Variants in MCTP2 observed in about 807,000 individuals in gnomAD.
MCTP2 encodes multiple C2 and transmembrane domain containing 2.
In MCTP2, 132 loss-of-function variants were observed where a neutral mutation model predicts 111.6. That is an observed-to-expected ratio of 1.18 (90% CI 1.03 to 1.37). MCTP2 has a LOEUF of 1.37. Among genes scored for constraint, MCTP2 ranks in the 40% most tolerant of loss-of-function variants. MCTP2 has a pLI of 0.00. For missense variants in MCTP2, 1,183 were observed against 1,067.9 expected (o/e 1.11, Z -1.50); for synonymous variants, 395 against 387.7 (o/e 1.02, Z -0.22).
At chr15:94,256,177 C>T (rs942942145) in intron 1 of MCTP2, among the ~76,000 whole-genome samples, 2 of 151,972 alleles carry the variant, frequency 1.3e-5, no homozygotes, top group South Asian at 2.1e-4. Context: ...AAAATGCAGC[C>T]GAAACTTTGT....
intron 8 of MCTP2, among the ~76,000 whole-genome samples, chr15:94,348,572 T>C (rs1021356838): frequency 1.4e-5 from 2 of 141,380 alleles, no homozygotes; most frequent in African/African-American, 5.3e-5. Flanking sequence ...TTTGTAGTCA[T>C]ATATCTTTGG....
intron 2 of MCTP2, among the ~76,000 whole-genome samples, chr15:94,304,983 C>A (rs1441710228): frequency 6.6e-6 from 1 of 152,070 alleles, no homozygotes; most frequent in African/African-American, 2.4e-5. Context: ...TCATGGTGGC[C>A]TGGCATCCAT....
At chr15:94,355,914 C>G in intron 8 of MCTP2, 1 of 1,133,054 alleles carries the variant, frequency 8.8e-7, no homozygotes, top group Non-Finnish European at 1.1e-6. Context: ...CAAAGTGTTG[C>G]ATATACTCAT....
chr15:94,424,215 T>A (rs1164117982), intron 17 of MCTP2, among the ~76,000 whole-genome samples: 1 of 152,236 alleles, frequency 6.6e-6, no homozygotes, highest in Non-Finnish European at 1.5e-5. Context: ...TTCATTTACA[T>A]CCTGTATAGC....
intron 9 of MCTP2, 113 bp downstream of exon 9, chr15:94,356,414 C>A: frequency 1.0e-6 from 1 of 981,184 alleles, no homozygotes. Flanking sequence ...TTCAGCCCGC[C>A]TAACTATATT....
chr15:94,350,734 AG>A (rs1212458353), intron 8 of MCTP2, among the ~76,000 whole-genome samples: 1 of 152,256 alleles, frequency 6.6e-6, no homozygotes, highest in East Asian at 1.9e-4. Context: ...GAAGGGTAGC[AG>A]GATTATACAA....
chr15:94,471,919 C>G (rs1295294454), intron 21 of MCTP2, among the ~76,000 whole-genome samples: 1 of 152,120 alleles, frequency 6.6e-6, no homozygotes, highest in African/African-American at 2.4e-5. Context: ...CTGACTCTAA[C>G]CAGAATGTGA....
Position 94,464,257 on chromosome 15 carries a change from TTA to T in MCTP2, c.2360+6032_2360+6033del, listed in dbSNP as rs1555481313. Among the ~76,000 whole-genome samples, 399 of 44,888 alleles carry T rather than the reference TTA, an allele frequency of 8.9e-3. 33 individuals carry two copies. The highest frequency in any genetic ancestry group is 0.083 in the Middle Eastern group (4 of 48). The allele number at this position is 44,888 out of a possible 152,430, so 29.4% of individuals were successfully genotyped here. ...TATATATAATATATATATATATATA[TTA>T]TATATATATATATATATATAAACGT... On this transcript the variant is annotated intron_variant, in intron 20 of 22. Transcript: ENST00000357742.
chr15:94,236,032 G>T (rs1412415006), intron 1 of MCTP2, among the ~76,000 whole-genome samples: 1 of 152,206 alleles, frequency 6.6e-6, no homozygotes, highest in Non-Finnish European at 1.5e-5. Context: ...TTTCATGAGT[G>T]AATAGACATG....
intron 19 of MCTP2, among the ~76,000 whole-genome samples, chr15:94,452,544 A>ATAAAC (rs1209612467): frequency 6.6e-6 from 1 of 152,170 alleles, no homozygotes; most frequent in African/African-American, 2.4e-5. Flanking sequence ...TATAAACCTG[A>ATAAAC]TAAACTATTT....
chr15:94,470,319 T>A lies in MCTP2; in HGVS notation c.2361-14T>A. 6.5e-7 allele frequency: 1 copy of A among 1,549,354 alleles called. No individual in the cohort carries two copies. The highest frequency in any genetic ancestry group is 2.2e-5 in the East Asian group (1 of 44,554). Reference sequence around the variant, plus strand: ...AACATCAGAGGAAATTATATTTATGTGGTTTGTCTACAGCACATTTAACTG... The same window carrying A: ...AACATCAGAGGAAATTATATTTATGAGGTTTGTCTACAGCACATTTAACTG... On this transcript the variant is annotated splice_polypyrimidine_tract_variant and intron_variant, in intron 20 of 22. Coordinates refer to ENST00000357742, the MANE Select transcript of MCTP2 (RefSeq NM_001385001.1).
At chr15:94,445,004 A>G (rs2084037139) in intron 19 of MCTP2, among the ~76,000 whole-genome samples, 1 of 152,220 alleles carries the variant, frequency 6.6e-6, no homozygotes, top group Non-Finnish European at 1.5e-5. Context: ...GTCATAGTCT[A>G]GACCAGTGGT....
chr15:94,254,315 C>T (rs6497182), intron 1 of MCTP2, among the ~76,000 whole-genome samples: 5 of 151,784 alleles, frequency 3.3e-5, no homozygotes, highest in South Asian at 4.2e-4. Flanking sequence ...ATCCCAGTTA[C>T]GTAGGGATGG....
intron 4 of MCTP2, among the ~76,000 whole-genome samples, chr15:94,316,586 A>T (rs530404075): frequency 1.8e-3 from 278 of 152,320 alleles, no homozygotes; most frequent in African/African-American, 6.4e-3. Flanking sequence ...GCATTAACTT[A>T]TATAACGTCC....
At chr15:94,288,537 G>C (rs1474486034) in intron 1 of MCTP2, among the ~76,000 whole-genome samples, 3 of 152,200 alleles carry the variant, frequency 2.0e-5, no homozygotes, top group Non-Finnish European at 4.4e-5. Context: ...GCAATTTATG[G>C]CTAGAAGCTA....
chr15:94,332,196 C>T (rs1009336314), intron 4 of MCTP2, among the ~76,000 whole-genome samples: 6 of 152,088 alleles, frequency 3.9e-5, no homozygotes, highest in East Asian at 1.9e-4. Context: ...TTAAAAGAGC[C>T]GCACTAGAGC....
intron 1 of MCTP2, among the ~76,000 whole-genome samples, chr15:94,281,346 G>T (rs987205003): frequency 9.9e-5 from 15 of 151,960 alleles, no homozygotes; most frequent in African/African-American, 3.6e-4. Context: ...ATTATTGTTA[G>T]TGCACTCTGT....
intron 4 of MCTP2, among the ~76,000 whole-genome samples, chr15:94,317,613 A>T (rs1461702084): frequency 1.3e-5 from 2 of 152,108 alleles, no homozygotes; most frequent in African/African-American, 4.8e-5. Context: ...AGCCTGGAGC[A>T]TTCGTGGTTC....
At chr15:94,355,789 T>A in intron 8 of MCTP2, 1 of 399,138 alleles carries the variant, frequency 2.5e-6, no homozygotes, top group South Asian at 1.0e-4. Flanking sequence ...TGGTATAATA[T>A]CTCTGTTGCC....
Sources: gnomAD v4.1 joint callset for allele counts (sites outside exome capture counted in the v4.1 genomes callset) on GRCh38, gnomAD v4.1.1 for gene constraint, MANE v1.5 for transcripts, NCBI Gene and HGNC (gene_info 2026-07-23, HGNC 2026-07-21) for gene names.